SEL1L3: variants seen among roughly 807,000 people sequenced by gnomAD.
SEL1L3 encodes SEL1L family member 3.
Under a neutral mutation model 142.8 loss-of-function variants are expected in SEL1L3, and 76 were observed. The ratio of observed to expected loss-of-function variants is 0.53; its 90% CI spans 0.44 to 0.64. The LOEUF is 0.64. Ranked by LOEUF, SEL1L3 falls within the 30% of genes least tolerant of loss-of-function variation. The probability of loss-of-function intolerance (pLI) is 0.00; values close to 1 mark genes in which losing one functional copy is unlikely to be tolerated. For missense variants in SEL1L3, 1,262 were observed against 1,381.7 expected, an observed-to-expected ratio of 0.91 and a Z score of 1.37; for synonymous variants, 504 against 519.6, an observed-to-expected ratio of 0.97 and a Z score of 0.41.
chr4:25,825,193 G>C (rs189991126), intron 6 of SEL1L3, among the ~76,000 whole-genome samples: 1 of 152,166 alleles, frequency 6.6e-6, no homozygotes, highest in Non-Finnish European at 1.5e-5. Flanking sequence ...GCACTGAATC[G>C]TAATTTTTAA....
chr4:25,804,788 T>C, intron 9 of SEL1L3, 36 bp from the exon 10 acceptor site: 1 of 1,424,686 alleles, frequency 7.0e-7, no homozygotes, highest in Non-Finnish European at 9.9e-7. Flanking sequence ...ACACAATTAA[T>C]TACCATGGGA....
At chr4:25,798,322 G>A (rs1179160627) in intron 11 of SEL1L3, among the ~76,000 whole-genome samples, 1 of 152,164 alleles carries the variant, frequency 6.6e-6, no homozygotes, top group African/African-American at 2.4e-5. Flanking sequence ...AAAGCCTGCT[G>A]AACAGCAGGC....
At chr4:25,777,680 CAA>C (rs1577587830) in intron 16 of SEL1L3, 1 of 376,994 alleles carries the variant, frequency 2.7e-6, no homozygotes, top group East Asian at 7.4e-5. Flanking sequence ...AAATCATTAA[CAA>C]GAGGATAACA....
chr4:25,830,282 A>G, intron 5 of SEL1L3, 126 bp from the exon 6 acceptor site: 1 of 588,506 alleles, frequency 1.7e-6, no homozygotes, highest in South Asian at 2.3e-5. Context: ...TTCTGCAAAA[A>G]TAAAATTAAC....
At chr4:25,737,594 T>C in the SEL1L3 span, among the ~76,000 whole-genome samples, 2 of 152,234 alleles carry the variant, frequency 1.3e-5, no homozygotes, top group South Asian at 2.1e-4. Context: ...TTAGGGATTC[T>C]ACATTTGAGT....
At chr4:25,840,308 GT>G (rs1273984145) in intron 2 of SEL1L3, among the ~76,000 whole-genome samples, 5 of 151,686 alleles carry the variant, frequency 3.3e-5, no homozygotes, top group Admixed American at 2.6e-4. Flanking sequence ...AACTAGGTCT[GT>G]TTTTTTTAAT....
intron 6 of SEL1L3, among the ~76,000 whole-genome samples, chr4:25,823,114 G>T (rs183751775): frequency 5.6e-4 from 86 of 152,314 alleles, no homozygotes; most frequent in Admixed American, 2.1e-3. Context: ...ATGGGGTGGT[G>T]GGGGGTTGGG....
the SEL1L3 span, among the ~76,000 whole-genome samples, chr4:25,732,757 G>A: frequency 1.5e-4 from 22 of 151,650 alleles, no homozygotes; most frequent in East Asian, 3.9e-4. Context: ...GTGGGGAGTC[G>A]GACAGAGTCT....
intron 7 of SEL1L3, among the ~76,000 whole-genome samples, chr4:25,820,156 G>C (rs1293487047): frequency 6.6e-6 from 1 of 152,168 alleles, no homozygotes; most frequent in African/African-American, 2.4e-5. Context: ...TTCTCTTTGT[G>C]TCCAGCTTCT....
chr4:25,722,623 G>GATTTTTTTTTTTTT, the SEL1L3 span, among the ~76,000 whole-genome samples: 2 of 125,124 alleles, frequency 1.6e-5, no homozygotes, highest in Non-Finnish European at 3.0e-5. Flanking sequence ...TCCAAAGGAG[G>GATTTTTTTTTTTTT]CTTTTTTTTT....
At chr4:25,833,628 T>C in intron 3 of SEL1L3, 59 bp from the exon 4 acceptor site, 1 of 1,471,586 alleles carries the variant, frequency 6.8e-7, no homozygotes, top group Non-Finnish European at 9.1e-7. Flanking sequence ...AACAGGTAAT[T>C]ATGGTTAACA....
intron 8 of SEL1L3, 85 bp downstream of exon 8, chr4:25,819,723 T>C: frequency 1.5e-6 from 2 of 1,347,524 alleles, no homozygotes; most frequent in Non-Finnish European, 2.0e-6. Context: ...ATATGTTTAA[T>C]TTTAATCCTG....
At chr4:25,732,367 A>C in the SEL1L3 span, among the ~76,000 whole-genome samples, 2 of 152,192 alleles carry the variant, frequency 1.3e-5, no homozygotes. Flanking sequence ...TATGTCCCTT[A>C]TCTGACAATA....
intron 5 of SEL1L3, among the ~76,000 whole-genome samples, chr4:25,832,380 T>A (rs557812407): frequency 6.6e-6 from 1 of 152,358 alleles, no homozygotes; most frequent in East Asian, 1.9e-4. Flanking sequence ...GAAATAGAAC[T>A]GTCTTCAATT....
At chr4:25,769,382 G>C (rs2109142808) in intron 17 of SEL1L3, among the ~76,000 whole-genome samples, 1 of 152,266 alleles carries the variant, frequency 6.6e-6, no homozygotes, top group Middle Eastern at 3.4e-3. Flanking sequence ...AGATACCTAA[G>C]GCAGCTGACC....
chr4:25,852,466 A>AGATGTCGCCCCCATTCTCAAG (rs1172023629), intron 1 of SEL1L3, among the ~76,000 whole-genome samples: 1 of 152,228 alleles, frequency 6.6e-6, no homozygotes, highest in Non-Finnish European at 1.5e-5. Flanking sequence ...AGATATGCCA[A>AGATGTCGCCCCCATTCTCAAG]GATGTCGCCC....
chr4:25,827,478 T>C (rs78694253), intron 6 of SEL1L3, among the ~76,000 whole-genome samples: 3,759 of 152,288 alleles, frequency 0.025, 169 homozygotes, highest in African/African-American at 0.085. Context: ...ATCTGTCCCT[T>C]GTACCTTCAT....
chr4:25,803,780 T>C (rs933735461), intron 10 of SEL1L3, among the ~76,000 whole-genome samples: 4 of 149,910 alleles, frequency 2.7e-5, no homozygotes, highest in Admixed American at 6.6e-5. Context: ...GTTTTTTATA[T>C]GTTTTTTTTT....
chr4:25,848,666 A>G (rs1560356452), intron 1 of SEL1L3, among the ~76,000 whole-genome samples: 1 of 152,238 alleles, frequency 6.6e-6, no homozygotes, highest in Non-Finnish European at 1.5e-5. Flanking sequence ...ACCACTGCAT[A>G]TCCATTAGGG....
Sources: gnomAD v4.1 joint callset for allele counts (sites outside exome capture counted in the v4.1 genomes callset) on GRCh38, gnomAD v4.1.1 for gene constraint, MANE v1.5 for transcripts, NCBI Gene and HGNC (gene_info 2026-07-23, HGNC 2026-07-21) for gene names.